The following NGLY1 variants were observed in gnomAD, a reference collection of about 807,000 sequenced individuals.
The protein encoded by NGLY1 is N-glycanase 1.
A neutral mutation model predicts 84.6 loss-of-function variants in NGLY1; 68 were observed. That is an observed-to-expected ratio of 0.80 (90% confidence interval 0.66 to 0.98). NGLY1 has a LOEUF of 0.98. Among genes scored for constraint, NGLY1 ranks in the 50% least tolerant of loss-of-function variants. The probability of loss-of-function intolerance (pLI) is 0.00; values close to 1 mark genes in which losing one functional copy is unlikely to be tolerated. For missense variants in NGLY1, 779 were observed against 770.2 expected (o/e 1.01, Z -0.14); for synonymous variants, 280 against 275.2 (o/e 1.02, Z -0.17).
At position 25,751,197 on chromosome 3, in the gene NGLY1, T is replaced by C. The variant is rs1473246525; in HGVS notation, c.559A>G (p.Asn187Asp). Reference protein sequence around the residue: ...SNIQHVLVYENPALQEKALAC... With the variant: ...SNIQHVLVYEDPALQEKALAC... ...AACGCTTTCTCCTGAAGAGCAGGAT[T>C]TTCATAGACCAGCACATGCTGAATG... Residue 187 changes from asparagine (N) to aspartate (D), a missense_variant, in exon 4 of 12, where the codon AAT becomes GAT. By Grantham distance (23) the Asn-to-Asp change is conservative. Transcript: ENST00000280700. 1.9e-6 allele frequency: 3 copies of C among 1,613,704 alleles called. No individual in the cohort carries two copies. The highest frequency in any genetic ancestry group is 2.5e-6 in the Non-Finnish European group (3 of 1,179,828).
At chr3:25,738,783 A>G (rs1705972914) in intron 5 of NGLY1, among the ~76,000 whole-genome samples, 1 of 152,142 alleles carries the variant, frequency 6.6e-6, no homozygotes, top group Non-Finnish European at 1.5e-5. Context: ...GGTTAAAACA[A>G]GCACATGATT....
chr3:25,763,350 T>C (rs1707404201), intron 3 of NGLY1, among the ~76,000 whole-genome samples: 1 of 152,214 alleles, frequency 6.6e-6, no homozygotes, highest in African/African-American at 2.4e-5. Flanking sequence ...AGATATATTC[T>C]AACACTGTAA....
intron 2 of NGLY1, among the ~76,000 whole-genome samples, chr3:25,766,384 A>C (rs940857299): frequency 1.3e-5 from 2 of 152,164 alleles, no homozygotes; most frequent in African/African-American, 4.8e-5. Flanking sequence ...ACATGAAAAT[A>C]CAAAGGCTCA....
intron 10 of NGLY1, among the ~76,000 whole-genome samples, chr3:25,727,373 T>G (rs1004432920): frequency 6.6e-6 from 1 of 152,198 alleles, no homozygotes; most frequent in African/African-American, 2.4e-5. Context: ...TCTCACACTA[T>G]AGCCCCTCTC....
chr3:25,789,774 C>T, intron 1 of NGLY1: 1 of 1,404,774 alleles, frequency 7.1e-7, no homozygotes, highest in South Asian at 1.2e-5. Flanking sequence ...CAGTAGAATA[C>T]GATGGTGTCC....
Position 25,770,960 on chromosome 3 carries a change from T to C in NGLY1, c.247-6649A>G, listed in dbSNP as rs377122553. Among the ~76,000 whole-genome samples the C allele has an allele frequency of 2.8e-4, 42 of 152,326 alleles. No individual in the cohort carries two copies. In the East Asian group the frequency reaches 7.7e-3, roughly 28 times the overall value. On this transcript the variant is annotated intron_variant, in intron 2 of 11. Coordinates refer to ENST00000280700, the MANE Select transcript of NGLY1 (RefSeq NM_018297.4). ...TTCTAGATATCAGTCCTTTGTCGGATACTTAGTTTGTGAAGATTTTCTCCC... is the reference window on the plus strand; with the variant it reads ...TTCTAGATATCAGTCCTTTGTCGGACACTTAGTTTGTGAAGATTTTCTCCC...
At chr3:25,753,696 C>T (rs1706879945) in intron 3 of NGLY1, among the ~76,000 whole-genome samples, 5 of 151,580 alleles carry the variant, frequency 3.3e-5, no homozygotes, top group Admixed American at 3.3e-4. Flanking sequence ...CTTCCTAACT[C>T]TTAAAGGAAT....
At chr3:25,735,556 A>C (rs1189605795) in intron 7 of NGLY1, 1 of 153,422 alleles carries the variant, frequency 6.5e-6, no homozygotes, top group African/African-American at 2.4e-5. Flanking sequence ...GGACATGGAG[A>C]AACTGGAAAC....
At position 25,737,443 on chromosome 3, in the gene NGLY1, A is replaced by T. The variant is rs1385420166; in HGVS notation, c.894T>A (p.Pro298=). The T allele has an allele frequency of 6.2e-7, 1 of 1,605,318 alleles. No individual in the cohort carries two copies. The highest frequency in any genetic ancestry group is 8.5e-7 in the Non-Finnish European group (1 of 1,176,834). The change falls in exon 6 of 12, where the codon CCT becomes CCA. Residue 298 remains proline (P), a synonymous_variant. Transcript: ENST00000280700. ...FSNRFPRYNN[P]EKLLETRCGR... is the part of the protein sequence containing the mutation. ...CACATCTTGTTTCCAAAAGTTTCTC[A>T]GGGTTATTATATCTGGTTTAAAAAG...
At position 25,764,162 on chromosome 3, in the gene NGLY1, G is replaced by T. The variant is rs769446269; in HGVS notation, c.396C>A (p.Thr132=). ...VKSSQQPAAS[T]QLPTTPSSNP... ...TTGAAGATGGTGTTGTAGGAAGCTG[G>T]GTACTGGCTGCAGGTTGCTGAGATG... Residue 132 remains threonine (T), a synonymous_variant, in exon 3 of 12, where the codon ACC becomes ACA. Transcript: ENST00000280700. 1.2e-6 allele frequency: 2 copies of T among 1,614,138 alleles called. No individual in the cohort carries two copies. The highest frequency in any genetic ancestry group is 4.5e-5 in the East Asian group (2 of 44,878).
intron 4 of NGLY1, among the ~76,000 whole-genome samples, chr3:25,743,151 C>T (rs1037068392): frequency 6.6e-6 from 1 of 152,140 alleles, no homozygotes; most frequent in African/African-American, 2.4e-5. Context: ...AGGCAAAGAA[C>T]AGATTCTCCC....
intron 8 of NGLY1, among the ~76,000 whole-genome samples, chr3:25,733,448 G>C (rs542634990): frequency 6.7e-6 from 1 of 150,212 alleles, no homozygotes; most frequent in South Asian, 2.1e-4. Context: ...CCTTGCTTCA[G>C]AAATTTCCTC....
intron 11 of NGLY1, 111 bp from the exon 12 acceptor site, chr3:25,719,746 A>C (rs1364200487): frequency 1.2e-6 from 1 of 813,778 alleles, no homozygotes; most frequent in Non-Finnish European, 1.9e-6. Flanking sequence ...ATAAACCCTT[A>C]AAAATAAATA....
chr3:25,748,818 T>C (rs553776487), intron 4 of NGLY1, among the ~76,000 whole-genome samples: 2 of 152,296 alleles, frequency 1.3e-5, no homozygotes, highest in South Asian at 2.1e-4. Flanking sequence ...CTAATGACGC[T>C]ATCATATATT....
Position 25,764,339 on chromosome 3 carries a change from T to G in NGLY1, c.247-28A>C. ...GGAATTTATAAAATTAAAAAAAATGTGAACCTTTGCTTTATGCAGTCATTC... is the reference window on the plus strand; with the variant it reads ...GGAATTTATAAAATTAAAAAAAATGGGAACCTTTGCTTTATGCAGTCATTC... On this transcript the variant is annotated intron_variant, in intron 2 of 11. Coordinates refer to ENST00000280700, the MANE Select transcript of NGLY1 (RefSeq NM_018297.4). 3 of 1,601,012 alleles carry G rather than the reference T, an allele frequency of 1.9e-6. No individual in the cohort carries two copies. In the South Asian group the frequency reaches 3.4e-5, roughly 18 times the overall value.
At chr3:25,746,141 C>T (rs566921954) in intron 4 of NGLY1, among the ~76,000 whole-genome samples, 2 of 152,138 alleles carry the variant, frequency 1.3e-5, no homozygotes, top group East Asian at 3.8e-4. Context: ...TTTATATACA[C>T]CCTACCCTAC....
intron 3 of NGLY1, among the ~76,000 whole-genome samples, chr3:25,751,665 A>G (rs1430441425): frequency 6.6e-6 from 1 of 152,212 alleles, no homozygotes; most frequent in Non-Finnish European, 1.5e-5. Context: ...CTGAAAGAGA[A>G]AAGGCAAATA....
intron 2 of NGLY1, among the ~76,000 whole-genome samples, chr3:25,774,713 T>A (rs1223856949): frequency 6.6e-6 from 1 of 152,078 alleles, no homozygotes; most frequent in Non-Finnish European, 1.5e-5. Context: ...GCTACAAGTC[T>A]CCCCACTGAG....
chr3:25,725,232 G>A (rs946940079), intron 10 of NGLY1, among the ~76,000 whole-genome samples: 2 of 152,110 alleles, frequency 1.3e-5, no homozygotes, highest in South Asian at 2.1e-4. Context: ...ATCCAATGAA[G>A]TCTCCATAAA....
Sources: gnomAD v4.1 joint callset for allele counts (sites outside exome capture counted in the v4.1 genomes callset) on GRCh38, gnomAD v4.1.1 for gene constraint, MANE v1.5 for transcripts, NCBI Gene and HGNC (gene_info 2026-07-23, HGNC 2026-07-21) for gene names.